The following TPR variants were observed in gnomAD, a reference collection of about 807,000 sequenced individuals.
TPR encodes the protein nucleoprotein TPR.
Under a neutral mutation model 316.1 loss-of-function variants are expected in TPR, and 51 were observed. The observed-to-expected ratio is 0.16, with a 90% CI of 0.13 to 0.20. TPR has a LOEUF of 0.20. Among genes scored for constraint, TPR ranks in the 10% least tolerant of loss-of-function variants. The pLI is 1.00. For missense variants in TPR, 2,272 were observed against 2,754.8 expected, an observed-to-expected ratio of 0.82 and a Z score of 3.92; for synonymous variants, 981 against 914.7, an observed-to-expected ratio of 1.07 and a Z score of -1.31.
In TPR at chr1:186,361,704, G is replaced by C; in HGVS notation, c.876C>G (p.Ala292=). The C allele has an allele frequency of 6.2e-7, 1 of 1,613,162 alleles. No homozygotes were observed. Among genetic ancestry groups the C allele is most frequent in the Non-Finnish European group, 8.5e-7 (1 of 1,179,380 alleles). ...TGCTCTTTGCTTCTGAGTCATCAGC[G>C]GCACTCTAAAAGTTAATCTTAAAAA... ...HIKLSNLYKS[A]ADDSEAKSNE... is the part of the protein sequence containing the mutation. Residue 292 remains alanine, a synonymous_variant, in exon 9 of 51, where the codon GCC becomes GCG. Coordinates refer to ENST00000367478, the MANE Select transcript of TPR (RefSeq NM_003292.3).
Position 186,313,830 on chromosome 1 carries a change from G to C in TPR, c.*141C>G, listed in dbSNP as rs768493341. On this transcript the variant is annotated 3_prime_UTR_variant, in exon 51 of 51. Transcript: ENST00000367478. Reference sequence around the variant, plus strand: ...AATGAAGAAATGAATAATAAATTTTGACACTGAAAAACATTTTATTAATAA... The same window carrying C: ...AATGAAGAAATGAATAATAAATTTTCACACTGAAAAACATTTTATTAATAA... 4 of 1,504,590 alleles carry C rather than the reference G, an allele frequency of 2.7e-6. No individual in the cohort carries two copies. Among genetic ancestry groups the C allele is most frequent in the Non-Finnish European group, 9.3e-7 (1 of 1,080,962 alleles). 93.2% of individuals were successfully genotyped at this position (1,504,590 alleles called of 1,614,324 possible). A position where few individuals can be genotyped will look rare whatever the true frequency, so the allele number is the denominator to read the frequency against.
At chr1:186,344,213 T>A in intron 25 of TPR, 123 bp from the exon 26 acceptor site, 1 of 1,380,742 alleles carries the variant, frequency 7.2e-7, no homozygotes, top group Non-Finnish European at 9.7e-7. Flanking sequence ...GGCAGGAGAA[T>A]TGCTTGAACC....
chr1:186,313,470 G>T lies in TPR; in HGVS notation c.*501C>A. 1 of 512,676 alleles carries T rather than the reference G, an allele frequency of 2.0e-6. No homozygotes were observed. Among genetic ancestry groups the T allele is most frequent in the Non-Finnish European group, 3.5e-6 (1 of 289,226 alleles). 31.8% of individuals were successfully genotyped at this position (512,676 alleles called of 1,614,324 possible). A position where few individuals can be genotyped will look rare whatever the true frequency, so the allele number is the denominator to read the frequency against. On this transcript the variant is annotated 3_prime_UTR_variant, in exon 51 of 51. Coordinates refer to ENST00000367478, the MANE Select transcript of TPR (RefSeq NM_003292.3). The stretch of plus-strand genomic sequence containing the variant: ...AGAGCTGAACCTGATTTTACAAAAA[G>T]ATGGTGAAATGTCAATCTTTTGAAA...
Position 186,322,552 on chromosome 1 carries a change from C to T in TPR, c.6332G>A (p.Arg2111His), listed in dbSNP as rs1044298886. The change falls in exon 44 of 51, where the codon CGT becomes CAT. Residue 2111 changes from arginine to histidine, a missense_variant. By Grantham distance (29) the Arg-to-His change is conservative. Transcript: ENST00000367478. The stretch of plus-strand genomic sequence containing the variant: ...TATTCCTGGAGTCAACTGAAGGCCA[C>T]GTCCTACAGACTGCCTTCGGGTCAT... ...IQMTRRQSVGRGLQLTPGIGG... is the reference protein window; with the variant it reads ...IQMTRRQSVGHGLQLTPGIGG... The T allele has an allele frequency of 1.9e-6, 3 of 1,613,960 alleles. No individual in the cohort carries two copies. Among genetic ancestry groups the T allele is most frequent in the Non-Finnish European group, 2.5e-6 (3 of 1,179,972 alleles).
chr1:186,335,036 A>G, intron 35 of TPR, 32 bp downstream of exon 35: 1 of 1,599,576 alleles, frequency 6.3e-7, no homozygotes, highest in Non-Finnish European at 8.5e-7. Context: ...TTTAAAAGAA[A>G]AATAACAGAC....
intron 50 of TPR, 60 bp from the exon 51 acceptor site, chr1:186,314,086 T>TCA (rs1657486363): frequency 6.8e-7 from 1 of 1,462,320 alleles, no homozygotes. Context: ...ACTAGTGTAT[T>TCA]CACTTACCCT....
chr1:186,339,115 T>C (rs1658425637), intron 30 of TPR, among the ~76,000 whole-genome samples: 1 of 152,116 alleles, frequency 6.6e-6, no homozygotes, highest in Non-Finnish European at 1.5e-5. Context: ...TATTAGTTCA[T>C]GTGAGAAAAA....
chr1:186,332,913 T>C lies in TPR; in HGVS notation c.5455+209A>G, dbSNP rs182485292. Among the ~76,000 whole-genome samples, 294 of 152,274 alleles carry C rather than the reference T, an allele frequency of 1.9e-3. 1 individual carries two copies. The highest frequency in any genetic ancestry group is 6.5e-3 in the African/African-American group (271 of 41,558). On this transcript the variant is annotated intron_variant, in intron 37 of 50. Coordinates refer to ENST00000367478, the MANE Select transcript of TPR (RefSeq NM_003292.3). ...TAGTAAACATGAAATAAAATGTTAG[T>C]AATATATTCATTCATTCTAATTCCT...
rs745828835 is a variant in TPR at position 186,360,256 on chromosome 1, T to C, written c.1191+17A>G. 17 of 1,609,452 alleles carry C rather than the reference T, an allele frequency of 1.1e-5. No homozygotes were observed. In the East Asian group the frequency reaches 3.1e-4, roughly 30 times the overall value. ...GCTGAAGAAAAAGAATTTAACAACATTTAATACCATTCTTACCTCAGTTAG... is the reference window on the plus strand; with the variant it reads ...GCTGAAGAAAAAGAATTTAACAACACTTAATACCATTCTTACCTCAGTTAG... On this transcript the variant is annotated intron_variant, in intron 11 of 50. Coordinates refer to ENST00000367478, the MANE Select transcript of TPR (RefSeq NM_003292.3).
intron 25 of TPR, 122 bp downstream of exon 25, chr1:186,344,253 A>G: frequency 7.3e-7 from 1 of 1,361,298 alleles, no homozygotes; most frequent in Non-Finnish European, 1.0e-6. Flanking sequence ...TGACCCCAAT[A>G]TCACGCCATT....
At chr1:186,359,165 A>G (rs1459305043) in intron 12 of TPR, among the ~76,000 whole-genome samples, 1 of 152,184 alleles carries the variant, frequency 6.6e-6, no homozygotes, top group Non-Finnish European at 1.5e-5. Flanking sequence ...AATTTCCTCC[A>G]TAAAACTTGT....
chr1:186,323,706 C>G lies in TPR; in HGVS notation c.6277G>C (p.Glu2093Gln). ...PRLTIHAPPQ[E>Q]LGPPVQRIQM... Reference sequence around the variant, plus strand: ...AATACCTGAACTGGTGGTCCCAACTCCTGAGGTGGGGCATGAATGGTCAGT... The same window carrying G: ...AATACCTGAACTGGTGGTCCCAACTGCTGAGGTGGGGCATGAATGGTCAGT... The change falls in exon 43 of 51, where the codon GAG (glutamate) becomes CAG (glutamine). Residue 2093 changes from glutamate (E) to glutamine (Q), a missense_variant. By Grantham distance (29) the Glu-to-Gln change is conservative (BLOSUM62 2). Coordinates refer to ENST00000367478, the MANE Select transcript of TPR (RefSeq NM_003292.3). The G allele has an allele frequency of 1.3e-6, 2 of 1,504,562 alleles. No individual in the cohort carries two copies. The highest frequency in any genetic ancestry group is 1.8e-6 in the Non-Finnish European group (2 of 1,139,484). The allele number at this position is 1,504,562 out of a possible 1,614,324, so 93.2% of individuals were successfully genotyped here.
At chr1:186,363,523 G>A in intron 4 of TPR, 78 bp from the exon 5 acceptor site, 1 of 982,348 alleles carries the variant, frequency 1.0e-6, no homozygotes, top group African/African-American at 1.6e-5. Context: ...ATATTTCTAG[G>A]AATATAAACC....
chr1:186,334,023 A>G (rs894815898), intron 36 of TPR, among the ~76,000 whole-genome samples: 4 of 152,184 alleles, frequency 2.6e-5, no homozygotes, highest in African/African-American at 9.6e-5. Flanking sequence ...GCTGTAATGA[A>G]TAACAAGAGT....
chr1:186,342,940 T>C lies in TPR; in HGVS notation c.3750+386A>G, dbSNP rs146775806. 1,042 of 157,558 alleles carry C rather than the reference T, an allele frequency of 6.6e-3. 13 individuals are homozygous for C. The highest frequency in any genetic ancestry group is 0.022 in the African/African-American group (935 of 41,794). The allele number at this position is 157,558 out of a possible 1,614,324, so 9.8% of individuals were successfully genotyped here. On this transcript the variant is annotated intron_variant, in intron 27 of 50. Transcript: ENST00000367478. Reference sequence around the variant, plus strand: ...ACTATCCACACGTATAATCCATAACTATAATAAATTAAGATAGCTGGAATT... The same window carrying C: ...ACTATCCACACGTATAATCCATAACCATAATAAATTAAGATAGCTGGAATT...
chr1:186,349,614 C>T (rs559224247), intron 21 of TPR, among the ~76,000 whole-genome samples: 2 of 150,942 alleles, frequency 1.3e-5, no homozygotes, highest in Non-Finnish European at 2.9e-5. Context: ...GAGCCGAGAT[C>T]GCGCCACTGC....
At chr1:186,314,567 A>C in intron 50 of TPR, 62 bp downstream of exon 50, 1 of 1,311,906 alleles carries the variant, frequency 7.6e-7, no homozygotes, top group Admixed American at 2.3e-5. Context: ...GGATTAGAAA[A>C]CTTGTTCCAT....
chr1:186,371,116 C>A, intron 2 of TPR, 73 bp from the exon 3 acceptor site: 1 of 1,092,504 alleles, frequency 9.2e-7, no homozygotes, highest in South Asian at 1.3e-5. Context: ...ATGCAACTGC[C>A]AACCTTACAT....
At chr1:186,323,607 G>A (rs1168913949) in intron 43 of TPR, 79 bp downstream of exon 43, 2 of 1,285,704 alleles carry the variant, frequency 1.6e-6, no homozygotes, top group African/African-American at 1.6e-5. Context: ...AAGAGAGAGA[G>A]AGAAATACAT....
Sources: gnomAD v4.1 joint callset for allele counts (sites outside exome capture counted in the v4.1 genomes callset) on GRCh38, gnomAD v4.1.1 for gene constraint, MANE v1.5 for transcripts, NCBI Gene and HGNC (gene_info 2026-07-23, HGNC 2026-07-21) for gene names.